The following L3MBTL4 variants were observed in gnomAD, a reference collection of about 807,000 sequenced individuals.
The protein encoded by L3MBTL4 is lethal(3)malignant brain tumor-like protein 4.
A neutral mutation model predicts 84.5 loss-of-function variants in L3MBTL4; 70 were observed. That is an observed-to-expected ratio of 0.83 (90% CI 0.68 to 1.01). The LOEUF (loss-of-function observed/expected upper bound fraction) is 1.01, where lower values mean the gene tolerates loss of function less well. L3MBTL4 is among the 50% of genes least tolerant of loss of function. The probability of loss-of-function intolerance (pLI) is 0.00; values close to 1 mark genes in which losing one functional copy is unlikely to be tolerated. For missense variants in L3MBTL4, 715 were observed against 754.8 expected, an observed-to-expected ratio of 0.95 and a Z score of 0.62; for synonymous variants, 274 against 259.8, an observed-to-expected ratio of 1.05 and a Z score of -0.52.
intron 13 of L3MBTL4, among the ~76,000 whole-genome samples, chr18:6,157,534 T>C (rs930640508): frequency 6.6e-6 from 1 of 152,070 alleles, no homozygotes; most frequent in Non-Finnish European, 1.5e-5. Context: ...CTCATCAGGA[T>C]AAACAATGTA....
intron 1 of L3MBTL4, among the ~76,000 whole-genome samples, chr18:6,337,841 T>TA (rs2052418156): frequency 6.6e-6 from 1 of 151,994 alleles, no homozygotes; most frequent in African/African-American, 2.4e-5. Context: ...AACCATATGC[T>TA]AATAAGAGTA....
chr18:6,068,896 T>A (rs1568061624), intron 16 of L3MBTL4, among the ~76,000 whole-genome samples: 1 of 152,206 alleles, frequency 6.6e-6, no homozygotes, highest in Non-Finnish European at 1.5e-5. Flanking sequence ...TCCCATGGGA[T>A]GTTCCCTTGA....
rs115638500 is a variant in L3MBTL4 at position 6,116,024 on chromosome 18, T to A, written c.1199+22170A>T. 2.2e-3 allele frequency among the ~76,000 whole-genome samples: 341 copies of A among 152,112 alleles called. 2 individuals carry two copies. The highest frequency in any genetic ancestry group is 7.8e-3 in the African/African-American group (325 of 41,504). On this transcript the variant is annotated intron_variant, in intron 14 of 18. Coordinates refer to ENST00000317931, the MANE Select transcript of L3MBTL4 (RefSeq NM_001330559.2). ...AACAGCATCTTGGGAGTGGGTCAAG[T>A]GGGACAAGGCAGACTAAGGAGCAAG...
At chr18:6,150,371 A>G (rs571009571) in intron 13 of L3MBTL4, among the ~76,000 whole-genome samples, 1 of 152,250 alleles carries the variant, frequency 6.6e-6, no homozygotes, top group East Asian at 1.9e-4. Context: ...TCTCATGACC[A>G]GTAAGCTGCT....
chr18:6,278,608 A>T (rs893612701), intron 4 of L3MBTL4, among the ~76,000 whole-genome samples: 1 of 152,112 alleles, frequency 6.6e-6, no homozygotes, highest in Non-Finnish European at 1.5e-5. Flanking sequence ...TTACAAAGAA[A>T]CTTTCACCTT....
At chr18:6,057,880 C>T (rs1406439241) in intron 16 of L3MBTL4, among the ~76,000 whole-genome samples, 1 of 152,180 alleles carries the variant, frequency 6.6e-6, no homozygotes, top group Non-Finnish European at 1.5e-5. Flanking sequence ...GGTATAGTTC[C>T]TAAGCCTATT....
chr18:6,237,178 T>G (rs1408984315), intron 10 of L3MBTL4, among the ~76,000 whole-genome samples: 1 of 152,170 alleles, frequency 6.6e-6, no homozygotes, highest in African/African-American at 2.4e-5. Context: ...AATGTTTAGC[T>G]AAGATGTTAA....
At chr18:6,144,386 G>A (rs9951148) in intron 13 of L3MBTL4, among the ~76,000 whole-genome samples, 3,716 of 152,142 alleles carry the variant, frequency 0.024, 153 homozygotes, top group African/African-American at 0.084. Flanking sequence ...ATAACTCCTA[G>A]TTCATTGCAA....
At chr18:6,357,473 T>A (rs2053497930) in intron 1 of L3MBTL4, among the ~76,000 whole-genome samples, 1 of 152,114 alleles carries the variant, frequency 6.6e-6, no homozygotes, top group South Asian at 2.1e-4. Context: ...ACCCCCATCA[T>A]CCCCTACCAA....
intron 13 of L3MBTL4, among the ~76,000 whole-genome samples, chr18:6,138,542 G>A (rs921940888): frequency 6.6e-6 from 1 of 152,042 alleles, no homozygotes; most frequent in Non-Finnish European, 1.5e-5. Context: ...TAAATGAATA[G>A]GCATTGAAGA....
intron 1 of L3MBTL4, among the ~76,000 whole-genome samples, chr18:6,343,724 G>C (rs1434069048): frequency 6.6e-6 from 1 of 150,618 alleles, no homozygotes; most frequent in Non-Finnish European, 1.5e-5. Flanking sequence ...ACAATGGTAT[G>C]AAACTAAAAA....
In L3MBTL4 at chr18:6,263,011, C is replaced by T. The variant is rs1039046106; in HGVS notation, c.219+936G>A. On this transcript the variant is annotated intron_variant, in intron 5 of 18. Transcript: ENST00000317931. ...GAAATGGGCTGGGCACGGCGGCTTA[C>T]GCCTGTAATCCCCGGCACTTTGGGA... Among the ~76,000 whole-genome samples, 16 of 152,318 alleles carry T rather than the reference C, an allele frequency of 1.1e-4. No individual in the cohort carries two copies. In the East Asian group the frequency reaches 1.4e-3, roughly 13 times the overall value.
chr18:6,354,653 C>T (rs749230452), intron 1 of L3MBTL4, among the ~76,000 whole-genome samples: 3 of 152,114 alleles, frequency 2.0e-5, no homozygotes, highest in Non-Finnish European at 2.9e-5. Flanking sequence ...AGAAGACATA[C>T]AAATGGCAAA....
At chr18:6,227,616 ATT>A (rs560413622) in intron 10 of L3MBTL4, among the ~76,000 whole-genome samples, 128 of 152,340 alleles carry the variant, frequency 8.4e-4, no homozygotes, top group Non-Finnish European at 1.3e-3. Context: ...TTTCCAATTC[ATT>A]TGTGAGATCA....
At chr18:6,159,822 T>C (rs1402861716) in intron 13 of L3MBTL4, among the ~76,000 whole-genome samples, 1 of 152,246 alleles carries the variant, frequency 6.6e-6, no homozygotes, top group African/African-American at 2.4e-5. Flanking sequence ...CTGCATTTAA[T>C]TAAAAAATGA....
chr18:6,322,163 C>T (rs923825303), intron 1 of L3MBTL4, among the ~76,000 whole-genome samples: 4 of 151,754 alleles, frequency 2.6e-5, no homozygotes, highest in African/African-American at 7.3e-5. Flanking sequence ...TCAAGACCAG[C>T]GTGGGCAACA....
chr18:6,060,606 C>T (rs866697061), intron 16 of L3MBTL4, among the ~76,000 whole-genome samples: 11 of 151,966 alleles, frequency 7.2e-5, no homozygotes, highest in Admixed American at 1.3e-4. Context: ...AACTAAAAGT[C>T]CTTAGTTTAC....
chr18:6,295,420 A>G (rs953106534), intron 4 of L3MBTL4, among the ~76,000 whole-genome samples: 1 of 147,040 alleles, frequency 6.8e-6, no homozygotes, highest in Non-Finnish European at 1.5e-5. Context: ...GCTTTATACA[A>G]TTTAATTCAT....
At chr18:6,097,962 C>T (rs1197973686) in intron 14 of L3MBTL4, among the ~76,000 whole-genome samples, 1 of 152,178 alleles carries the variant, frequency 6.6e-6, no homozygotes, top group Non-Finnish European at 1.5e-5. Flanking sequence ...TTATTCCCTG[C>T]CAGGTGCTGT....
Sources: allele counts gnomAD v4.1 joint callset (sites outside exome capture counted in the v4.1 genomes callset), GRCh38; gene constraint gnomAD v4.1.1; transcripts MANE v1.5; gene names NCBI Gene and HGNC (gene_info 2026-07-23, HGNC 2026-07-21).